ACSS1: variants seen among roughly 807,000 people sequenced by gnomAD.
ACSS1 encodes the protein acetyl-coenzyme A synthetase 2-like, mitochondrial.
ACSS1 carries 42 observed loss-of-function variants against 75.3 expected under a neutral mutation model. The observed-to-expected ratio is 0.56, with a 90% CI of 0.44 to 0.72. ACSS1 has a LOEUF of 0.72. ACSS1 is among the 30% of genes least tolerant of loss of function. The pLI, the probability that ACSS1 is intolerant of heterozygous loss-of-function variation, is 0.00. For synonymous variants in ACSS1, 380 were observed against 376.8 expected, an observed-to-expected ratio of 1.01 and a Z score of -0.10; for missense variants, 782 against 935.7, an observed-to-expected ratio of 0.84 and a Z score of 2.14.
chr20:25,023,427 A>G (rs1309610535), intron 4 of ACSS1, 39 bp downstream of exon 4: 1 of 1,612,124 alleles, frequency 6.2e-7, no homozygotes, highest in Non-Finnish European at 8.5e-7. Context: ...CTAACTTGAT[A>G]TGACCTCGCC....
At chr20:25,020,175 G>C (rs377591747) in intron 6 of ACSS1, 28 bp from the exon 7 acceptor site, 6 of 1,613,486 alleles carry the variant, frequency 3.7e-6, no homozygotes, top group Non-Finnish European at 5.1e-6. Flanking sequence ...TTCACTGTCA[G>C]CAGGAGAGCT....
rs796473909 is a variant in ACSS1, at chr20:25,036,962, AAAAG to A, written c.432-6008_432-6005del. The stretch of plus-strand genomic sequence containing the variant: ...AGAGCTAGACTCTGTCAAAAAAAAA[AAAAG>A]AAGAAGAAGAAAGAAAGAAAAAGAA... On this transcript the variant is annotated intron_variant, in intron 2 of 13. Transcript: ENST00000323482. Among the ~76,000 whole-genome samples, 1,206 of 149,890 alleles carry A rather than the reference AAAAG, an allele frequency of 8.0e-3. 18 individuals carry two copies. The highest frequency in any genetic ancestry group is 0.029 in the African/African-American group (1,151 of 40,116).
At chr20:25,049,542 G>A (rs2089147915) in intron 1 of ACSS1, among the ~76,000 whole-genome samples, 1 of 152,202 alleles carries the variant, frequency 6.6e-6, no homozygotes, top group African/African-American at 2.4e-5. Flanking sequence ...TAAGAAACAT[G>A]CAAAAGTGAC....
rs1335872295 is a variant in ACSS1, at chr20:25,006,899, C to T, written c.*863G>A. The T allele has an allele frequency of 6.5e-7, 1 of 1,535,450 alleles. No homozygotes were observed. The highest frequency in any genetic ancestry group is 2.0e-5 in the Admixed American group (1 of 50,994). ...AGTCACCTGAGTTTCTAATAGCTTC[C>T]CTGAAGAACCCAACTATTTGGAGTA... On this transcript the variant is annotated 3_prime_UTR_variant, in exon 14 of 14. Coordinates refer to ENST00000323482, the MANE Select transcript of ACSS1 (RefSeq NM_032501.4).
chr20:25,054,114 T>G (rs2089211712), intron 1 of ACSS1, among the ~76,000 whole-genome samples: 1 of 152,244 alleles, frequency 6.6e-6, no homozygotes, highest in South Asian at 2.1e-4. Context: ...ACACTCTGTC[T>G]ACCCTGCCCA....
rs551608334 is a variant in ACSS1, at chr20:25,043,669, A to G, written c.431+4416T>C. 5.9e-5 allele frequency among the ~76,000 whole-genome samples: 9 copies of G among 152,342 alleles called. No homozygotes were observed. The South Asian group carries it at 1.9e-3, about 32-fold the overall frequency. On this transcript the variant is annotated intron_variant, in intron 2 of 13. Coordinates refer to ENST00000323482, the MANE Select transcript of ACSS1 (RefSeq NM_032501.4). The stretch of plus-strand genomic sequence containing the variant: ...CCCAATAAAAAGGCCAGGAAGGAAC[A>G]GCCACAGAAATCACCCCCACCAGCA...
intron 13 of ACSS1, among the ~76,000 whole-genome samples, chr20:25,008,185 G>A (rs1036885752): frequency 4.6e-5 from 7 of 152,192 alleles, no homozygotes; most frequent in Non-Finnish European, 8.8e-5. Context: ...CACCCAGGCC[G>A]GGTTCACCCC....
chr20:25,055,836 C>A (rs2089233871), intron 1 of ACSS1, among the ~76,000 whole-genome samples: 1 of 152,166 alleles, frequency 6.6e-6, no homozygotes, highest in African/African-American at 2.4e-5. Flanking sequence ...TCATCCATCC[C>A]ACGACTTTCT....
intron 7 of ACSS1, among the ~76,000 whole-genome samples, chr20:25,018,200 C>T (rs1453559704): frequency 6.6e-6 from 1 of 152,180 alleles, no homozygotes; most frequent in Admixed American, 6.5e-5. Context: ...GGATTGGTGC[C>T]ATTATAAAAG....
At chr20:25,013,489 A>C in intron 10 of ACSS1, 47 bp downstream of exon 10, 1 of 1,554,120 alleles carries the variant, frequency 6.4e-7, no homozygotes. Flanking sequence ...ATAAGATTCC[A>C]GCAGTCAGCT....
chr20:25,015,608 T>C lies in ACSS1; in HGVS notation c.1247-378A>G, dbSNP rs973598698. 3.3e-5 allele frequency among the ~76,000 whole-genome samples: 5 copies of C among 152,200 alleles called. No individual in the cohort carries two copies. In the East Asian group the frequency reaches 5.8e-4, roughly 18 times the overall value. ...TGCTGTGCCCAGCCAAATAAAGAGA[T>C]TTTTAAGGAGAAAACAGCTCCGTGA... is the stretch of plus-strand genomic sequence containing the variant. On this transcript the variant is annotated intron_variant, in intron 7 of 13. Transcript: ENST00000323482.
chr20:25,051,659 G>A (rs772511385), intron 1 of ACSS1, among the ~76,000 whole-genome samples: 2 of 152,204 alleles, frequency 1.3e-5, no homozygotes, highest in African/African-American at 2.4e-5. Flanking sequence ...CCCTTTCTAT[G>A]CAGATGCAAG....
intron 3 of ACSS1, among the ~76,000 whole-genome samples, chr20:25,024,834 C>T (rs1399983323): frequency 1.3e-5 from 2 of 152,204 alleles, no homozygotes; most frequent in East Asian, 3.9e-4. Context: ...GAGAATTTTC[C>T]AGCACACACA....
intron 1 of ACSS1, among the ~76,000 whole-genome samples, chr20:25,051,430 T>C (rs1211782051): frequency 1.3e-5 from 2 of 152,210 alleles, no homozygotes; most frequent in Non-Finnish European, 2.9e-5. Context: ...TCTTTGTGGC[T>C]TCATCCCTTA....
rs572290744 is a variant in ACSS1 at position 25,040,194 on chromosome 20, T to G, written c.431+7891A>C. Among the ~76,000 whole-genome samples, 9 of 152,250 alleles carry G rather than the reference T, an allele frequency of 5.9e-5. No homozygotes were observed. In the East Asian group the frequency reaches 1.7e-3, roughly 29 times the overall value. The stretch of plus-strand genomic sequence containing the variant: ...AGATTTTTCAGGTCCCACTCCAAGT[T>G]TGCACACCCCACATGCCCTCTGTTC... On this transcript the variant is annotated intron_variant, in intron 2 of 13. Transcript: ENST00000323482.
In ACSS1 at chr20:25,015,148, C is replaced by T. The variant is rs763124505; in HGVS notation, c.1329G>A (p.Trp443Ter). 6.2e-7 allele frequency: 1 copy of T among 1,611,222 alleles called. No homozygotes were observed. The highest frequency in any genetic ancestry group is 8.5e-7 in the Non-Finnish European group (1 of 1,177,794). ...GDSRCTLVDT[W>*]WQTETGGICI... ...CCCAGGCCTCCTCACCTGTCTGCCA[C>T]CAGGTGTCCACCAGCGTGCACCTGC... The change falls in exon 8 of 14, where the codon TGG becomes TGA. Residue 443 changes from tryptophan to a stop codon, truncating the protein, a stop_gained. Transcript: ENST00000323482. LOFTEE classifies it high-confidence loss of function.
rs1409418048 is a variant in ACSS1, at chr20:25,020,254, T to A, written c.1109-107A>T. 6.2e-6 allele frequency: 9 copies of A among 1,454,156 alleles called. No individual in the cohort carries two copies. In the Admixed American group the frequency reaches 1.6e-4, roughly 26 times the overall value. The allele number at this position is 1,454,156 out of a possible 1,614,324, so 90.1% of individuals were successfully genotyped here. ...AGTGCTGGGCATGTGCAGACGCGCATATGTCCATATGAAAGGGATCCCCCC... is the reference window on the plus strand; with the variant it reads ...AGTGCTGGGCATGTGCAGACGCGCAAATGTCCATATGAAAGGGATCCCCCC... On this transcript the variant is annotated intron_variant, in intron 6 of 13. Transcript: ENST00000323482.
intron 12 of ACSS1, chr20:25,009,798 G>T (rs999071290): frequency 5.7e-6 from 1 of 175,836 alleles, no homozygotes; most frequent in Non-Finnish European, 1.2e-5. Context: ...GCCTTTGGGG[G>T]TGTGTGTGCA....
chr20:25,048,201 G>T lies in ACSS1; in HGVS notation c.335-20C>A, dbSNP rs770191192. 1 of 1,608,674 alleles carries T rather than the reference G, an allele frequency of 6.2e-7. No homozygotes were observed. The highest frequency in any genetic ancestry group is 8.5e-7 in the Non-Finnish European group (1 of 1,177,868). The stretch of plus-strand genomic sequence containing the variant: ...AGTTGACTGTACAAAAAGAGGGTTT[G>T]CGGATGTTACACTTGGTGCTTTTTG... On this transcript the variant is annotated intron_variant, in intron 1 of 13. Transcript: ENST00000323482.
Sources: gnomAD v4.1 joint callset for allele counts (sites outside exome capture counted in the v4.1 genomes callset) on GRCh38, gnomAD v4.1.1 for gene constraint, MANE v1.5 for transcripts, NCBI Gene and HGNC (gene_info 2026-07-23, HGNC 2026-07-21) for gene names.